Variants in TIAM1 observed in about 807,000 individuals in gnomAD.
TIAM1 encodes the protein TIAM Rac1 associated GEF 1.
TIAM1 carries 65 observed loss-of-function variants against 163.5 expected under a neutral mutation model. The ratio of observed to expected loss-of-function variants is 0.40; its 90% confidence interval spans 0.33 to 0.49. TIAM1 has a LOEUF of 0.49. TIAM1 is among the 20% of genes least tolerant of loss of function. The pLI is 0.77. For synonymous variants in TIAM1, 833 were observed against 810.1 expected, an observed-to-expected ratio of 1.03 and a Z score of -0.48; for missense variants, 1,789 against 2,044.7, an observed-to-expected ratio of 0.87 and a Z score of 2.41.
chr21:31,395,252 G>C lies in TIAM1; in HGVS notation c.-368-55830C>G, dbSNP rs923763651. On this transcript the variant is annotated intron_variant, in intron 2 of 28. Coordinates refer to the TIAM1 transcript ENST00000286827. The surrounding 1 kb of genome is among the most constrained non-coding windows in gnomAD (Gnocchi z 7.5). ...GACTCTGTCTCAAAAAAAAAAAAGAGGAGGTGGGGGGAGAACAAAACTAGT... is the reference window on the plus strand; with the variant it reads ...GACTCTGTCTCAAAAAAAAAAAAGACGAGGTGGGGGGAGAACAAAACTAGT... 6.6e-6 allele frequency among the ~76,000 whole-genome samples: 1 copy of C among 151,758 alleles called. No individual in the cohort carries two copies. Among genetic ancestry groups the C allele is most frequent in the African/African-American group, 2.4e-5 (1 of 41,344 alleles).
chr21:31,323,052 G>A (rs1309647843), intron 2 of TIAM1, among the ~76,000 whole-genome samples: 3 of 151,112 alleles, frequency 2.0e-5, no homozygotes, highest in Non-Finnish European at 4.4e-5. Flanking sequence ...CATTTTGGGA[G>A]GCTGAGGCAT....
rs146421209 is a variant in TIAM1 at position 31,171,565 on chromosome 21, T to C, written c.2888-6500A>G. On this transcript the variant is annotated intron_variant, in intron 15 of 27. Coordinates refer to ENST00000541036, the MANE Select transcript of TIAM1 (RefSeq NM_001353694.2). The stretch of plus-strand genomic sequence containing the variant: ...GCATATATTTTTTTATCCCCATATG[T>C]CATGTTTTCTACCCTTAACTGAAGG... Among the ~76,000 whole-genome samples, 29 of 152,330 alleles carry C rather than the reference T, an allele frequency of 1.9e-4. No homozygotes were observed. The East Asian group carries it at 5.0e-3, about 26-fold the overall frequency.
At chr21:31,533,194 A>ATG (rs1569417225) in intron 1 of TIAM1, among the ~76,000 whole-genome samples, 6 of 151,764 alleles carry the variant, frequency 4.0e-5, no homozygotes, top group African/African-American at 1.5e-4. Context: ...GGTGGCACGC[A>ATG]CCTGTAATCC....
intron 4 of TIAM1, among the ~76,000 whole-genome samples, chr21:31,264,116 G>T (rs2072628044): frequency 6.6e-6 from 1 of 152,126 alleles, no homozygotes; most frequent in Non-Finnish European, 1.5e-5. Flanking sequence ...TGGTTTCTAG[G>T]ACACAAGTGT....
intron 1 of TIAM1, among the ~76,000 whole-genome samples, chr21:31,496,870 C>T (rs1383165635): frequency 6.6e-6 from 1 of 151,658 alleles, no homozygotes; most frequent in African/African-American, 2.4e-5. Flanking sequence ...GGTGGGGGGT[C>T]GGGGAGGATG....
In TIAM1 at chr21:31,266,634, G is replaced by C; in HGVS notation, c.339C>G (p.Asp113Glu). The change falls in exon 4 of 28, where the codon GAC becomes GAG. Residue 113 changes from aspartate (D) to glutamate (E), a missense_variant. By Grantham distance (45) the Asp-to-Glu change is conservative. Transcript: ENST00000541036. ...YTDSSVTPSVDSSIVLTAASV... is the reference protein window; with the variant it reads ...YTDSSVTPSVESSIVLTAASV... The stretch of plus-strand genomic sequence containing the variant: ...AGGCTGCTGTGAGGACGATGCTGCT[G>C]TCTACGCTGGGAGTGACAGAAGAGT... 6.2e-7 allele frequency: 1 copy of C among 1,614,228 alleles called. No individual in the cohort carries two copies. The highest frequency in any genetic ancestry group is 8.5e-7 in the Non-Finnish European group (1 of 1,180,050).
chr21:31,144,331 T>C (rs2083000479), intron 20 of TIAM1, among the ~76,000 whole-genome samples: 1 of 152,168 alleles, frequency 6.6e-6, no homozygotes, highest in South Asian at 2.1e-4. Context: ...CCCAACAAAA[T>C]ATTCTCGTCC....
In TIAM1 at chr21:31,163,920, G is replaced by A. The variant is rs538938398; in HGVS notation, c.2991+1042C>T. Among the ~76,000 whole-genome samples the A allele has an allele frequency of 1.1e-4, 16 of 152,304 alleles. 2 individuals are homozygous for A. The South Asian group carries it at 2.9e-3, about 28-fold the overall frequency. On this transcript the variant is annotated intron_variant, in intron 16 of 27. Coordinates refer to ENST00000541036, the MANE Select transcript of TIAM1 (RefSeq NM_001353694.2). ...ATATACATATCTCAACAACATTATA[G>A]AAAAAGATGAATAAGTATGGAAACA...
intron 2 of TIAM1, among the ~76,000 whole-genome samples, chr21:31,294,729 G>C (rs192102593): frequency 6.6e-6 from 1 of 152,202 alleles, no homozygotes. Context: ...GCATCCATGA[G>C]AAGAAGGAGG....
intron 2 of TIAM1, among the ~76,000 whole-genome samples, chr21:31,433,765 A>C (rs900697379): frequency 1.3e-5 from 2 of 152,202 alleles, no homozygotes; most frequent in African/African-American, 4.8e-5. Context: ...ACACATGTGA[A>C]TTTACCACAT....
At chr21:31,544,952 G>T (rs1267375815) in intron 1 of TIAM1, among the ~76,000 whole-genome samples, 1 of 152,116 alleles carries the variant, frequency 6.6e-6, no homozygotes, top group Non-Finnish European at 1.5e-5. Context: ...GGCGGAGCTT[G>T]CAGTAAGCCA....
chr21:31,196,302 T>C (rs1322803804), intron 12 of TIAM1, among the ~76,000 whole-genome samples: 2 of 151,190 alleles, frequency 1.3e-5, no homozygotes, highest in East Asian at 4.0e-4. Context: ...GGAATGCTTT[T>C]CTTTTCTTTT....
chr21:31,369,819 C>CAGGTGA (rs2076565100), intron 2 of TIAM1, among the ~76,000 whole-genome samples: 1 of 152,154 alleles, frequency 6.6e-6, no homozygotes, highest in Non-Finnish European at 1.5e-5. Context: ...GAAACCCCGT[C>CAGGTGA]TCTACTAATA....
chr21:31,538,445 A>G (rs2048210899), intron 1 of TIAM1, among the ~76,000 whole-genome samples: 1 of 152,228 alleles, frequency 6.6e-6, no homozygotes, highest in Admixed American at 6.5e-5. Flanking sequence ...CAGGAGGCTG[A>G]GATGGGAGAA....
chr21:31,452,141 G>A (rs1029078739), intron 2 of TIAM1, among the ~76,000 whole-genome samples: 1 of 152,156 alleles, frequency 6.6e-6, no homozygotes, highest in Non-Finnish European at 1.5e-5. Context: ...ATGACAAAAT[G>A]ATGAGGTGTC....
chr21:31,282,104 T>C (rs2073595652), intron 2 of TIAM1, among the ~76,000 whole-genome samples: 1 of 152,220 alleles, frequency 6.6e-6, no homozygotes, highest in Admixed American at 6.5e-5. Flanking sequence ...GTAAGCTTTA[T>C]AACAGCCAAG....
intron 16 of TIAM1, among the ~76,000 whole-genome samples, chr21:31,163,306 G>A (rs890741516): frequency 3.9e-4 from 59 of 152,184 alleles, no homozygotes; most frequent in African/African-American, 1.4e-3. Flanking sequence ...TTTCTCCTGA[G>A]GACAACTGAC....
chr21:31,217,465 C>A, intron 9 of TIAM1, 88 bp downstream of exon 9: 1 of 1,523,236 alleles, frequency 6.6e-7, no homozygotes, highest in Non-Finnish European at 8.9e-7. Context: ...TAACACTCGG[C>A]CTCACTGAAG....
intron 4 of TIAM1, among the ~76,000 whole-genome samples, chr21:31,255,671 T>TA (rs1387294427): frequency 6.6e-6 from 1 of 152,170 alleles, no homozygotes; most frequent in Non-Finnish European, 1.5e-5. Flanking sequence ...GGTTACCTCT[T>TA]AGAGTCAAAT....
Sources: gnomAD v4.1 joint callset for allele counts (sites outside exome capture counted in the v4.1 genomes callset) on GRCh38, gnomAD v4.1.1 for gene constraint, Gnocchi (gnomAD v3.1) non-coding constraint, MANE v1.5 for transcripts, NCBI Gene and HGNC (gene_info 2026-07-23, HGNC 2026-07-21) for gene names.